The following PARD3B variants were observed in gnomAD, a reference collection of about 807,000 sequenced individuals.
PARD3B encodes partitioning defective 3 homolog B.
A neutral mutation model predicts 130.2 loss-of-function variants in PARD3B; 103 were observed. That is an observed-to-expected ratio of 0.79 (90% CI 0.67 to 0.93). The LOEUF is 0.93. Among genes scored for constraint, PARD3B ranks in the 40% least tolerant of loss-of-function variants. PARD3B has a pLI of 0.00. For synonymous variants in PARD3B, 583 were observed against 553.2 expected, an observed-to-expected ratio of 1.05 and a Z score of -0.76; for missense variants, 1,609 against 1,499.2, an observed-to-expected ratio of 1.07 and a Z score of -1.21.
chr2:204,964,239 A>G (rs1364641087), intron 2 of PARD3B, among the ~76,000 whole-genome samples: 1 of 152,190 alleles, frequency 6.6e-6, no homozygotes, highest in Non-Finnish European at 1.5e-5. Context: ...ACTTTTCTAC[A>G]TCAGCTGATG....
At chr2:205,195,062 G>A (rs1426350412) in intron 15 of PARD3B, among the ~76,000 whole-genome samples, 1 of 150,168 alleles carries the variant, frequency 6.7e-6, no homozygotes, top group Non-Finnish European at 1.5e-5. Context: ...GCCTCCCAAA[G>A]TGCTGGGATT....
intron 2 of PARD3B, among the ~76,000 whole-genome samples, chr2:204,741,239 G>T (rs2039996737): frequency 6.6e-6 from 1 of 152,126 alleles, no homozygotes; most frequent in Non-Finnish European, 1.5e-5. Context: ...AGGAGAAAAA[G>T]ATACAATTAG....
intron 21 of PARD3B, among the ~76,000 whole-genome samples, chr2:205,529,817 T>C (rs2051507831): frequency 6.6e-6 from 1 of 152,126 alleles, no homozygotes; most frequent in Non-Finnish European, 1.5e-5. Flanking sequence ...TTTTTTAAGG[T>C]TCATTTGAGT....
intron 2 of PARD3B, among the ~76,000 whole-genome samples, chr2:204,813,089 A>G (rs1179986319): frequency 6.6e-6 from 1 of 152,214 alleles, no homozygotes; most frequent in Admixed American, 6.5e-5. Context: ...CTAGAGAGGA[A>G]TGGCTGGATC....
chr2:204,939,334 C>A (rs989973764), intron 2 of PARD3B, among the ~76,000 whole-genome samples: 2 of 152,110 alleles, frequency 1.3e-5, no homozygotes, highest in African/African-American at 4.8e-5. Flanking sequence ...AATTTTTTGT[C>A]TATTAACCCA....
At chr2:205,148,189 T>C (rs2033503950) in intron 10 of PARD3B, among the ~76,000 whole-genome samples, 1 of 152,148 alleles carries the variant, frequency 6.6e-6, no homozygotes. Flanking sequence ...GTCTGTGTTG[T>C]TTAGAGGGTG....
chr2:205,280,872 G>A lies in PARD3B; in HGVS notation c.2186-19658G>A, dbSNP rs2041160975. Among the ~76,000 whole-genome samples the A allele has an allele frequency of 6.6e-6, 1 of 152,180 alleles. No homozygotes were observed. The highest frequency in any genetic ancestry group is 2.4e-5 in the African/African-American group (1 of 41,450). ...TCAGGGCCAAGTGGATTTGGATGAA[G>A]TGTTTATTTAGTTTGCTGGCTGTTT... On this transcript the variant is annotated intron_variant, in intron 16 of 22. Transcript: ENST00000406610. The surrounding 1 kb of genome is among the most constrained non-coding windows in gnomAD (Gnocchi z 4.7).
intron 3 of PARD3B, among the ~76,000 whole-genome samples, chr2:204,966,586 G>T (rs1390352541): frequency 1.3e-5 from 2 of 152,194 alleles, no homozygotes; most frequent in Non-Finnish European, 2.9e-5. Flanking sequence ...TTATAAGCAA[G>T]CACTGTGGTC....
At chr2:205,030,436 A>C (rs1436584811) in intron 3 of PARD3B, among the ~76,000 whole-genome samples, 1 of 152,164 alleles carries the variant, frequency 6.6e-6, no homozygotes, top group East Asian at 1.9e-4. Context: ...CCAGTCACTT[A>C]GTTCACCATA....
In PARD3B at chr2:205,472,819, G is replaced by A. The variant is rs79355119; in HGVS notation, c.3045-27077G>A. 3.1e-3 allele frequency among the ~76,000 whole-genome samples: 466 copies of A among 152,192 alleles called. 1 individual carries two copies. The highest frequency in any genetic ancestry group is 5.4e-3 in the Non-Finnish European group (364 of 67,988). On this transcript the variant is annotated intron_variant, in intron 20 of 22. Transcript: ENST00000406610. ...TCCATTCCAGTCCTAGGATTCTGTG[G>A]TTCTGAGAAGTGAGAAGGGAGACAA...
At chr2:205,436,431 C>T (rs2047519068) in intron 19 of PARD3B, among the ~76,000 whole-genome samples, 1 of 152,042 alleles carries the variant, frequency 6.6e-6, no homozygotes, top group Non-Finnish European at 1.5e-5. Context: ...TGTTAGAGGC[C>T]AGCATGAGTT....
intron 2 of PARD3B, among the ~76,000 whole-genome samples, chr2:204,878,885 G>A (rs1355390793): frequency 1.3e-5 from 2 of 152,056 alleles, no homozygotes; most frequent in Non-Finnish European, 2.9e-5. Flanking sequence ...ATGCTACACA[G>A]GAAGAAAGAA....
intron 2 of PARD3B, among the ~76,000 whole-genome samples, chr2:204,770,642 G>T (rs1301940319): frequency 2.0e-5 from 3 of 151,982 alleles, no homozygotes; most frequent in East Asian, 3.9e-4. Context: ...GATCTGCGAT[G>T]CATGATGCGA....
chr2:205,187,289 T>C lies in PARD3B; in HGVS notation c.2024+1426T>C, dbSNP rs1263876757. Among the ~76,000 whole-genome samples, 1 of 151,886 alleles carries C rather than the reference T, an allele frequency of 6.6e-6. No individual in the cohort carries two copies. Among genetic ancestry groups the C allele is most frequent in the Non-Finnish European group, 1.5e-5 (1 of 67,966 alleles). ...AACAGCATAGAGACGGGAGAGTAAA[T>C]TGAATTGTACAAGGTGGAGCTGATC... On this transcript the variant is annotated intron_variant, in intron 14 of 22. Coordinates refer to ENST00000406610, the MANE Select transcript of PARD3B (RefSeq NM_001302769.2). The surrounding 1 kb of genome is among the most constrained non-coding windows in gnomAD (Gnocchi z 4.9).
Position 204,686,192 on chromosome 2 carries a change from C to T in PARD3B, c.132C>T (p.Tyr44=), listed in dbSNP as rs200432187. The T allele has an allele frequency of 1.6e-4, 255 of 1,608,704 alleles. 1 individual carries two copies. Among genetic ancestry groups the T allele is most frequent in the Non-Finnish European group, 3.0e-5 (35 of 1,175,442 alleles). ...TTGTTCTACTATAGGGTCCTGGTTA[C>T]TGGGTGAAGATTCATCACTTAGAAT... ...YLKTREKGPG[Y]WVKIHHLEYT... Residue 44 remains tyrosine (Y), a synonymous_variant, in exon 2 of 23, where the codon TAC becomes TAT. Coordinates refer to ENST00000406610, the MANE Select transcript of PARD3B (RefSeq NM_001302769.2).
At position 204,943,777 on chromosome 2, in the gene PARD3B, T is replaced by C. The variant is rs1689098508; in HGVS notation, c.223-21375T>C. ...AAGTTCGCCTCTCCATTGCCATCCC[T>C]ACATTGCCTTTCCTATCTGCCATGT... On this transcript the variant is annotated intron_variant, in intron 2 of 22. Transcript: ENST00000406610. This position sits in a 1 kb window ranked among gnomAD's most constrained non-coding sequence, Gnocchi z 4.2. 6.6e-6 allele frequency among the ~76,000 whole-genome samples: 1 copy of C among 152,140 alleles called. No homozygotes were observed.
At chr2:204,655,441 A>G (rs1240275753) in intron 1 of PARD3B, among the ~76,000 whole-genome samples, 1 of 152,004 alleles carries the variant, frequency 6.6e-6, no homozygotes, top group Admixed American at 6.6e-5. Context: ...GCATTCCTGG[A>G]TGCGTTTTCC....
intron 2 of PARD3B, among the ~76,000 whole-genome samples, chr2:204,699,455 C>A (rs141465436): frequency 9.2e-5 from 14 of 152,130 alleles, no homozygotes; most frequent in Non-Finnish European, 1.9e-4. Flanking sequence ...TCAGAACATG[C>A]CACTCTTCCC....
At chr2:204,636,489 T>TGTGTGTGTGC (rs1559198503) in intron 1 of PARD3B, among the ~76,000 whole-genome samples, 1 of 140,960 alleles carries the variant, frequency 7.1e-6, no homozygotes. Context: ...TGTGTGTGTG[T>TGTGTGTGTGC]GCAGTTATTC....
Sources: gnomAD v4.1 joint callset for allele counts (sites outside exome capture counted in the v4.1 genomes callset) on GRCh38, gnomAD v4.1.1 for gene constraint, Gnocchi (gnomAD v3.1) non-coding constraint, MANE v1.5 for transcripts, NCBI Gene and HGNC (gene_info 2026-07-23, HGNC 2026-07-21) for gene names.